The following KIAA1549L variants were observed in gnomAD, a reference collection of about 807,000 sequenced individuals.
The protein encoded by KIAA1549L is KIAA1549 like, also known as UPF0606 protein KIAA1549L.
A neutral mutation model predicts 160.7 loss-of-function variants in KIAA1549L; 88 were observed. The observed-to-expected ratio is 0.55, with a 90% CI of 0.46 to 0.65. The LOEUF is 0.65. Among genes scored for constraint, KIAA1549L ranks in the 30% least tolerant of loss-of-function variants. KIAA1549L has a pLI of 0.00. For synonymous variants in KIAA1549L, 950 were observed against 976.7 expected (o/e 0.97, Z 0.51); for missense variants, 2,258 against 2,437.5 (o/e 0.93, Z 1.55).
Position 33,609,874 on chromosome 11 carries a change from A to G in KIAA1549L, c.5187A>G (p.Arg1729=), listed in dbSNP as rs1475082291. The change falls in exon 15 of 21, where the codon AGA becomes AGG. Residue 1729 remains arginine, a synonymous_variant. Coordinates refer to ENST00000658780, the MANE Select transcript of KIAA1549L (RefSeq NM_012194.3). ...AVETSKGLTE[R]KKMYEKAPKE... is the part of the protein sequence containing the mutation. ...AGACGAGCAAGGGTCTGACCGAAAG[A>G]AAGAAGATGTATGAAAAAGCCCCGA... is the stretch of plus-strand genomic sequence containing the variant. 5.0e-6 allele frequency: 8 copies of G among 1,613,834 alleles called. No homozygotes were observed. Among genetic ancestry groups the G allele is most frequent in the Non-Finnish European group, 6.8e-6 (8 of 1,179,882 alleles).
intron 1 of KIAA1549L, among the ~76,000 whole-genome samples, chr11:33,444,547 C>T (rs955745354): frequency 3.9e-5 from 6 of 152,176 alleles, no homozygotes; most frequent in Admixed American, 3.9e-4. Flanking sequence ...GAGAGACTTA[C>T]TTTTCATTGT....
At chr11:33,638,722 A>G (rs1357503397) in intron 16 of KIAA1549L, among the ~76,000 whole-genome samples, 1 of 152,230 alleles carries the variant, frequency 6.6e-6, no homozygotes, top group Admixed American at 6.5e-5. Flanking sequence ...AGTCAAATTT[A>G]CAAAGTTTTT....
intron 1 of KIAA1549L, among the ~76,000 whole-genome samples, chr11:33,456,258 A>C (rs1445926362): frequency 6.6e-6 from 1 of 152,160 alleles, no homozygotes. Flanking sequence ...AGGGCAGCTG[A>C]ATGGAGGCGG....
intron 1 of KIAA1549L, among the ~76,000 whole-genome samples, chr11:33,512,103 A>G (rs937944403): frequency 1.3e-5 from 2 of 152,200 alleles, no homozygotes; most frequent in Admixed American, 6.5e-5. Flanking sequence ...AGAATATTCT[A>G]ATTTTAGCAC....
intron 20 of KIAA1549L, among the ~76,000 whole-genome samples, chr11:33,667,192 A>T (rs566121657): frequency 6.6e-6 from 1 of 152,316 alleles, no homozygotes; most frequent in East Asian, 1.9e-4. Context: ...GTGAGACATC[A>T]TCACTAAAAA....
intron 1 of KIAA1549L, among the ~76,000 whole-genome samples, chr11:33,415,038 G>A (rs1850860568): frequency 6.6e-6 from 1 of 151,632 alleles, no homozygotes; most frequent in Non-Finnish European, 1.5e-5. Flanking sequence ...ATTTAATGTT[G>A]CCAAATCAAT....
chr11:33,387,302 CTTTAT>C (rs912524337), intron 1 of KIAA1549L, among the ~76,000 whole-genome samples: 14 of 151,880 alleles, frequency 9.2e-5, no homozygotes, highest in African/African-American at 7.2e-5. Flanking sequence ...TTCTCTCTCT[CTTTAT>C]TTTATTTTAT....
chr11:33,401,876 CA>C (rs1234134109), intron 1 of KIAA1549L, among the ~76,000 whole-genome samples: 1 of 152,166 alleles, frequency 6.6e-6, no homozygotes, highest in Admixed American at 6.5e-5. Context: ...TGCCACAAGC[CA>C]AAGGTCACCA....
chr11:33,659,207 C>G (rs1852179527), intron 19 of KIAA1549L, among the ~76,000 whole-genome samples: 1 of 152,200 alleles, frequency 6.6e-6, no homozygotes, highest in Non-Finnish European at 1.5e-5. Context: ...CCATCCACCC[C>G]CATTTCATTC....
chr11:33,563,940 C>T (rs1854962479), intron 8 of KIAA1549L, among the ~76,000 whole-genome samples: 2 of 152,178 alleles, frequency 1.3e-5, no homozygotes, highest in Non-Finnish European at 2.9e-5. Flanking sequence ...CTTGCCGTGC[C>T]TCTATTTTGG....
intron 1 of KIAA1549L, among the ~76,000 whole-genome samples, chr11:33,455,311 A>G (rs1210298198): frequency 6.6e-6 from 1 of 152,148 alleles, no homozygotes; most frequent in Admixed American, 6.5e-5. Flanking sequence ...AACTTAAATA[A>G]AGAATTCAGT....
At position 33,431,794 on chromosome 11, in the gene KIAA1549L, G is replaced by A. The variant is rs934685069; in HGVS notation, c.238+54905G>A. On this transcript the variant is annotated intron_variant, in intron 1 of 20. Coordinates refer to ENST00000658780, the MANE Select transcript of KIAA1549L (RefSeq NM_012194.3). ...ATGGGACTGGGCGCCGTGGAGCAGG[G>A]GGCGGTGCTCATCGGGGAGGCTCGG... 1.3e-5 allele frequency among the ~76,000 whole-genome samples: 2 copies of A among 152,236 alleles called. 1 individual carries two copies. Among genetic ancestry groups the A allele is most frequent in the South Asian group, 4.1e-4 (2 of 4,836 alleles).
At chr11:33,549,501 A>G (rs1854382329) in intron 4 of KIAA1549L, among the ~76,000 whole-genome samples, 1 of 152,194 alleles carries the variant, frequency 6.6e-6, no homozygotes, top group South Asian at 2.1e-4. Flanking sequence ...TAGTTGATTT[A>G]GTGTTGTCTT....
At chr11:33,641,545 C>A (rs1224293153) in intron 16 of KIAA1549L, among the ~76,000 whole-genome samples, 1 of 108,724 alleles carries the variant, frequency 9.2e-6, no homozygotes, top group East Asian at 3.0e-4. Context: ...CTGTCAGAGC[C>A]CACAACTATA....
chr11:33,644,956 C>T (rs1851676630), intron 16 of KIAA1549L, among the ~76,000 whole-genome samples: 1 of 152,248 alleles, frequency 6.6e-6, no homozygotes, highest in African/African-American at 2.4e-5. Flanking sequence ...ACGAGACCGT[C>T]CATGCAGCCT....
At chr11:33,483,969 A>G (rs903756333) in intron 1 of KIAA1549L, among the ~76,000 whole-genome samples, 1 of 152,140 alleles carries the variant, frequency 6.6e-6, no homozygotes, top group African/African-American at 2.4e-5. Flanking sequence ...TAGCTTGGCC[A>G]TTTGATCTTG....
intron 10 of KIAA1549L, among the ~76,000 whole-genome samples, chr11:33,575,138 A>T (rs1241070867): frequency 1.3e-5 from 2 of 152,266 alleles, no homozygotes; most frequent in African/African-American, 2.4e-5. Context: ...AACAGCTATG[A>T]AAATCACTAT....
intron 14 of KIAA1549L, among the ~76,000 whole-genome samples, chr11:33,607,494 A>C (rs1197701405): frequency 6.6e-6 from 1 of 152,208 alleles, no homozygotes; most frequent in Non-Finnish European, 1.5e-5. Context: ...CAGAATGGCC[A>C]GTGGATTGCA....
chr11:33,543,867 T>G lies in KIAA1549L; in HGVS notation c.2304T>G (p.Thr768=), dbSNP rs1298404818. 2.5e-6 allele frequency: 4 copies of G among 1,613,942 alleles called. No individual in the cohort carries two copies. Among genetic ancestry groups the G allele is most frequent in the Non-Finnish European group, 3.4e-6 (4 of 1,179,898 alleles). ...DFKDTAGHSV[T]AEGFSIQDLV... ...AAGATACTGCTGGGCATTCAGTGAC[T>G]GCAGAAGGGTTTAGTATTCAGGATC... The change falls in exon 2 of 21, where the codon ACT becomes ACG. Residue 768 remains threonine, a synonymous_variant. Transcript: ENST00000658780.
Sources: gnomAD v4.1 joint callset for allele counts (sites outside exome capture counted in the v4.1 genomes callset) on GRCh38, gnomAD v4.1.1 for gene constraint, MANE v1.5 for transcripts, NCBI Gene and HGNC (gene_info 2026-07-23, HGNC 2026-07-21) for gene names.